The following TRIO variants were observed in gnomAD, a reference collection of about 807,000 sequenced individuals.
TRIO encodes triple functional domain protein.
Under a neutral mutation model 351.9 loss-of-function variants are expected in TRIO, and 58 were observed. The ratio of observed to expected loss-of-function variants is 0.16; its 90% CI spans 0.13 to 0.21. The LOEUF (loss-of-function observed/expected upper bound fraction) is 0.21, where lower values mean the gene tolerates loss of function less well. TRIO is among the 10% of genes least tolerant of loss of function. The pLI, the probability that TRIO is intolerant of heterozygous loss-of-function variation, is 1.00. For missense variants in TRIO, 3,201 were observed against 4,027.8 expected (o/e 0.79, Z 5.56); for synonymous variants, 1,758 against 1,595.7 (o/e 1.10, Z -2.42).
intron 1 of TRIO, among the ~76,000 whole-genome samples, chr5:14,170,378 T>G (rs1015372399): frequency 1.3e-5 from 2 of 152,236 alleles, no homozygotes; most frequent in African/African-American, 4.8e-5. Context: ...TGGTAATCTT[T>G]AGTTGCTTGA....
chr5:14,397,588 T>C (rs1219001984), intron 29 of TRIO, among the ~76,000 whole-genome samples: 1 of 152,214 alleles, frequency 6.6e-6, no homozygotes, highest in Admixed American at 6.5e-5. Context: ...TTGTGTAACA[T>C]GGTAAAGAGA....
intron 1 of TRIO, among the ~76,000 whole-genome samples, chr5:14,222,228 A>G (rs1792685774): frequency 1.3e-5 from 2 of 151,976 alleles, no homozygotes; most frequent in Non-Finnish European, 2.9e-5. Context: ...TTAATAAACT[A>G]CAGTATAGGA....
At position 14,363,819 on chromosome 5, in the gene TRIO, C is replaced by T. The variant is rs1463408921; in HGVS notation, c.2479C>T (p.Arg827Cys). ...AGAAGATCTCACGATTGCAGAGCAGCGCCTCCAGCACCATGCAGACAAAGC... is the reference window on the plus strand; with the variant it reads ...AGAAGATCTCACGATTGCAGAGCAGTGCCTCCAGCACCATGCAGACAAAGC... ...DTEDLTIAEQ[R>C]LQHHADKALT... The change falls in exon 14 of 57, where the codon CGC becomes TGC. Residue 827 changes from arginine to cysteine, a missense_variant. This residue lies in a region of TRIO where 363 missense variants were observed against 553.5 expected (regional missense o/e 0.66). Transcript: ENST00000344204. The T allele has an allele frequency of 5.6e-6, 9 of 1,614,162 alleles. No homozygotes were observed. Among genetic ancestry groups the T allele is most frequent in the South Asian group, 1.1e-5 (1 of 91,084 alleles).
At chr5:14,293,984 TG>T (rs1373688459) in intron 6 of TRIO, among the ~76,000 whole-genome samples, 2 of 147,768 alleles carry the variant, frequency 1.4e-5, no homozygotes, top group Admixed American at 7.0e-5. Context: ...TGAACCGGCC[TG>T]GGCAACACAG....
chr5:14,502,858 A>G (rs1757394401), intron 54 of TRIO, among the ~76,000 whole-genome samples: 1 of 152,244 alleles, frequency 6.6e-6, no homozygotes. Context: ...GGGTTCCAGC[A>G]GAGAGGGCCG....
intron 33 of TRIO, among the ~76,000 whole-genome samples, chr5:14,407,228 C>T (rs1049115786): frequency 6.6e-6 from 1 of 152,090 alleles, no homozygotes; most frequent in African/African-American, 2.4e-5. Context: ...CACAGGGCGT[C>T]TCAATGAGTG....
In TRIO at chr5:14,488,070, A is replaced by T. The variant is rs759112471; in HGVS notation, c.7442A>T (p.Lys2481Met). The T allele has an allele frequency of 1.9e-6, 3 of 1,609,774 alleles. No homozygotes were observed. The highest frequency in any genetic ancestry group is 2.7e-5 in the African/African-American group (2 of 74,798). ...TTCCCCCCCAGCAGCCCCCTGCAGA[A>T]GGGGGGCTCCTTCTGGAGCTCCATC... ...EPFPPSSPLQ[K>M]GGSFWSSIPA... is the part of the protein sequence containing the mutation. The change falls in exon 48 of 57, where the codon AAG (lysine) becomes ATG (methionine). Residue 2481 changes from lysine to methionine, a missense_variant. Physicochemically the swap from Lys to Met is moderately conservative, Grantham distance 95. Coordinates refer to ENST00000344204, the MANE Select transcript of TRIO (RefSeq NM_007118.4).
chr5:14,187,662 T>C (rs2152144933), intron 1 of TRIO, among the ~76,000 whole-genome samples: 1 of 152,244 alleles, frequency 6.6e-6, no homozygotes, highest in East Asian at 1.9e-4. Context: ...GACATGTGCA[T>C]TTTTAAGTAG....
intron 6 of TRIO, among the ~76,000 whole-genome samples, chr5:14,294,622 C>G (rs924843559): frequency 6.6e-6 from 1 of 152,144 alleles, no homozygotes; most frequent in African/African-American, 2.4e-5. Flanking sequence ...GAATAGGAAC[C>G]ATAGTGTAGA....
chr5:14,336,735 G>T lies in TRIO; in HGVS notation c.2046+8G>T. On this transcript the variant is annotated splice_region_variant and intron_variant, in intron 11 of 56. Transcript: ENST00000344204. Reference sequence around the variant, plus strand: ...CACACCCATGTGAAAGAGGTAAGGTGCCAGGAGACCAAAATATGATCTGTG... The same window carrying T: ...CACACCCATGTGAAAGAGGTAAGGTTCCAGGAGACCAAAATATGATCTGTG... 1 of 1,613,964 alleles carries T rather than the reference G, an allele frequency of 6.2e-7. No individual in the cohort carries two copies.
intron 2 of TRIO, among the ~76,000 whole-genome samples, chr5:14,279,604 G>A (rs945967527): frequency 1.6e-4 from 24 of 152,152 alleles, no homozygotes; most frequent in African/African-American, 5.3e-4. Context: ...GTGATACCAA[G>A]CTGACTTCAT....
At chr5:14,229,773 T>C (rs1793290541) in intron 1 of TRIO, among the ~76,000 whole-genome samples, 1 of 152,146 alleles carries the variant, frequency 6.6e-6, no homozygotes, top group Non-Finnish European at 1.5e-5. Context: ...GCGCTTTAAC[T>C]CACAAAGAAG....
chr5:14,383,755 C>T (rs1746319300), intron 21 of TRIO, among the ~76,000 whole-genome samples: 2 of 152,158 alleles, frequency 1.3e-5, no homozygotes, highest in Non-Finnish European at 1.5e-5. Flanking sequence ...TTCCCTTAAT[C>T]AGAAAACACC....
chr5:14,482,388 G>T lies in TRIO; in HGVS notation c.6466-194G>T, dbSNP rs1001064159. 96 of 410,058 alleles carry T rather than the reference G, an allele frequency of 2.3e-4. 3 individuals are homozygous for T. The highest frequency in any genetic ancestry group is 2.5e-5 in the Non-Finnish European group (6 of 241,798). 25.4% of individuals were successfully genotyped at this position (410,058 alleles called of 1,614,324 possible). A position where few individuals can be genotyped will look rare whatever the true frequency, so the allele number is the denominator to read the frequency against. The stretch of plus-strand genomic sequence containing the variant: ...GCGCCAGAGGTCTATACAAATGTTG[G>T]CAAGAATTTTATTTAGATAATTATT... On this transcript the variant is annotated intron_variant, in intron 45 of 56. Transcript: ENST00000344204.
chr5:14,376,002 A>C (rs1745526602), intron 19 of TRIO, among the ~76,000 whole-genome samples: 1 of 152,194 alleles, frequency 6.6e-6, no homozygotes, highest in Non-Finnish European at 1.5e-5. Context: ...ATCAAAAATG[A>C]TGACACCATA....
chr5:14,179,022 G>A (rs1401787325), intron 1 of TRIO, among the ~76,000 whole-genome samples: 1 of 152,224 alleles, frequency 6.6e-6, no homozygotes, highest in Non-Finnish European at 1.5e-5. Context: ...TCAGAAGGGG[G>A]TCTTTGTACT....
At chr5:14,369,309 T>G in intron 17 of TRIO, 65 bp from the exon 18 acceptor site, 2 of 1,529,360 alleles carry the variant, frequency 1.3e-6, no homozygotes, top group Non-Finnish European at 1.8e-6. Context: ...TGAAAGGGCT[T>G]TCCAGGGATA....
chr5:14,331,017 G>A, intron 10 of TRIO, 117 bp downstream of exon 10: 1 of 1,454,832 alleles, frequency 6.9e-7, no homozygotes, highest in Non-Finnish European at 9.3e-7. Flanking sequence ...TGACACCTCA[G>A]ATGAGGTAAA....
intron 34 of TRIO, among the ~76,000 whole-genome samples, chr5:14,432,823 T>C (rs932580407): frequency 1.3e-5 from 2 of 152,212 alleles, no homozygotes; most frequent in African/African-American, 4.8e-5. Flanking sequence ...CAAAATCAGC[T>C]GCTTGTTCTC....
Sources: allele counts gnomAD v4.1 joint callset (sites outside exome capture counted in the v4.1 genomes callset), GRCh38; gene constraint gnomAD v4.1.1; regional missense constraint gnomAD v4.1.1; transcripts MANE v1.5; gene names NCBI Gene and HGNC (gene_info 2026-07-23, HGNC 2026-07-21).